Variants in EYS observed in about 807,000 individuals in gnomAD.
The protein encoded by EYS is EGF-like photoreceptor maintenance factor.
In EYS, 250 loss-of-function variants were observed where a neutral mutation model predicts 282.1. That is an observed-to-expected ratio of 0.89 (90% CI 0.80 to 0.98). EYS has a LOEUF of 0.98. Among genes scored for constraint, EYS ranks in the 50% least tolerant of loss-of-function variants. The pLI, the probability that EYS is intolerant of heterozygous loss-of-function variation, is 0.00. For synonymous variants in EYS, 1,355 were observed against 1,282.9 expected, an observed-to-expected ratio of 1.06 and a Z score of -1.20; for missense variants, 4,016 against 3,709.0, an observed-to-expected ratio of 1.08 and a Z score of -2.15.
intron 33 of EYS, among the ~76,000 whole-genome samples, chr6:64,009,542 C>G (rs1480950168): frequency 6.6e-6 from 1 of 152,082 alleles, no homozygotes; most frequent in Non-Finnish European, 1.5e-5. Context: ...CCTCGGCCTC[C>G]GAAAGTGCTG....
intron 5 of EYS, among the ~76,000 whole-genome samples, chr6:65,477,770 ACATTT>A (rs1765464401): frequency 6.6e-6 from 1 of 152,196 alleles, no homozygotes; most frequent in African/African-American, 2.4e-5. Context: ...AGCAAATCAT[ACATTT>A]CATTTTTAAG....
intron 19 of EYS, among the ~76,000 whole-genome samples, chr6:64,824,240 A>T (rs1470526414): frequency 1.3e-5 from 2 of 151,910 alleles, no homozygotes. Context: ...TCACCTACAA[A>T]TCAAGTTATA....
At chr6:63,892,248 C>T (rs946980107) in intron 35 of EYS, among the ~76,000 whole-genome samples, 3 of 152,120 alleles carry the variant, frequency 2.0e-5, no homozygotes, top group Non-Finnish European at 4.4e-5. Flanking sequence ...TCATATGGAA[C>T]CAAAAAAGAG....
chr6:64,517,867 T>A (rs187455135), intron 26 of EYS, among the ~76,000 whole-genome samples: 55 of 152,040 alleles, frequency 3.6e-4, no homozygotes, highest in African/African-American at 1.2e-3. Flanking sequence ...ATTAAATCTT[T>A]GTTTCTTTTT....
intron 13 of EYS, among the ~76,000 whole-genome samples, chr6:65,014,814 C>A (rs534286694): frequency 6.6e-6 from 1 of 152,110 alleles, no homozygotes; most frequent in Non-Finnish European, 1.5e-5. Context: ...TGGAAACCTG[C>A]GAGTGCTATC....
rs1305738376 is a variant in EYS, at chr6:64,813,479, A to C, written c.3342T>G (p.Cys1114Trp). Residue 1114 changes from cysteine (C) to tryptophan (W), a missense_variant, in exon 22 of 43, where the codon TGT (cysteine) becomes TGG (tryptophan). Physicochemically the swap from Cys to Trp is radical, Grantham distance 215. Transcript: ENST00000503581. ...CAGCACAATTATCAATGCTTTTTTC[A>C]CAGTATGCACCAGTGTATCCACGTG... ...ICPRGYTGAY[C>W]EKSIDNCAEP... The C allele has an allele frequency of 6.4e-7, 1 of 1,550,616 alleles. No homozygotes were observed. The highest frequency in any genetic ancestry group is 8.7e-7 in the Non-Finnish European group (1 of 1,146,246).
At chr6:65,035,195 C>T (rs1222308004) in intron 13 of EYS, among the ~76,000 whole-genome samples, 1 of 152,026 alleles carries the variant, frequency 6.6e-6, no homozygotes, top group Admixed American at 6.6e-5. Context: ...ACACACTAGG[C>T]AATGAAGGAA....
At chr6:64,687,679 C>G (rs1770207752) in intron 22 of EYS, among the ~76,000 whole-genome samples, 1 of 152,116 alleles carries the variant, frequency 6.6e-6, no homozygotes, top group Admixed American at 6.5e-5. Flanking sequence ...GTCTAAAATT[C>G]TCTTTTTTTG....
chr6:64,258,766 G>A (rs1047809105), intron 30 of EYS, among the ~76,000 whole-genome samples: 5 of 150,014 alleles, frequency 3.3e-5, no homozygotes, highest in Non-Finnish European at 7.4e-5. Flanking sequence ...TCCTATTTAC[G>A]AGTGTGAGAT....
At chr6:65,571,425 C>T (rs552742297) in intron 2 of EYS, among the ~76,000 whole-genome samples, 34 of 152,072 alleles carry the variant, frequency 2.2e-4, no homozygotes, top group African/African-American at 7.0e-4. Flanking sequence ...CTTTCTGGTA[C>T]AGAGAAGGAT....
At chr6:65,582,331 A>T (rs943619097) in intron 2 of EYS, among the ~76,000 whole-genome samples, 11 of 152,118 alleles carry the variant, frequency 7.2e-5, no homozygotes, top group Non-Finnish European at 2.9e-5. Context: ...TACTTCATGA[A>T]TTTCTGGAGT....
In EYS at chr6:65,299,837, G is replaced by C. The variant is rs1179688563; in HGVS notation, c.1767-3718C>G. ...CATTATTCATTGATGTCATCCTATGGAAGAGAAGTATTTACATTTCTTACA... is the reference window on the plus strand; with the variant it reads ...CATTATTCATTGATGTCATCCTATGCAAGAGAAGTATTTACATTTCTTACA... On this transcript the variant is annotated intron_variant, in intron 11 of 42. Coordinates refer to ENST00000503581, the MANE Select transcript of EYS (RefSeq NM_001142800.2). Among the ~76,000 whole-genome samples the C allele has an allele frequency of 6.6e-5, 10 of 151,952 alleles. No individual in the cohort carries two copies. The East Asian group carries it at 1.9e-3, about 29-fold the overall frequency.
chr6:64,783,058 C>T lies in EYS; in HGVS notation c.3443+30320G>A, dbSNP rs1305571221. On this transcript the variant is annotated intron_variant, in intron 22 of 42. Coordinates refer to ENST00000503581, the MANE Select transcript of EYS (RefSeq NM_001142800.2). ...CTGCCCTGTTTAGTCCTGTCTGGGA[C>T]GTGAATCATCCTTTTGTCCAGTATC... Among the ~76,000 whole-genome samples, 3 of 152,236 alleles carry T rather than the reference C, an allele frequency of 2.0e-5. No homozygotes were observed. In the Middle Eastern group the frequency reaches 0.01, roughly 518 times the overall value.
chr6:64,881,218 G>A (rs879336113), intron 19 of EYS, among the ~76,000 whole-genome samples: 20 of 151,440 alleles, frequency 1.3e-4, no homozygotes, highest in Non-Finnish European at 2.8e-4. Context: ...TCATTTTTTT[G>A]ACATTAAAAA....
chr6:64,773,727 A>G (rs1773594201), intron 22 of EYS, among the ~76,000 whole-genome samples: 1 of 151,842 alleles, frequency 6.6e-6, no homozygotes, highest in African/African-American at 2.4e-5. Context: ...TAATGATTAG[A>G]GATGTTGAGT....
intron 36 of EYS, among the ~76,000 whole-genome samples, chr6:63,839,061 G>T (rs1330913703): frequency 6.6e-6 from 1 of 152,154 alleles, no homozygotes; most frequent in East Asian, 1.9e-4. Flanking sequence ...ATTTCTTTCT[G>T]TTGGGAAGAG....
chr6:64,750,650 A>G (rs1051013683), intron 22 of EYS, among the ~76,000 whole-genome samples: 4 of 152,312 alleles, frequency 2.6e-5, no homozygotes, highest in Middle Eastern at 3.4e-3. Flanking sequence ...GGTTATTTAA[A>G]TTTACATTTT....
intron 31 of EYS, among the ~76,000 whole-genome samples, chr6:64,203,207 A>G (rs530863759): frequency 6.6e-6 from 1 of 152,348 alleles, no homozygotes; most frequent in South Asian, 2.1e-4. Flanking sequence ...GTAGCAATCC[A>G]TGACTGGAAG....
chr6:65,160,195 C>T (rs1764820740), intron 12 of EYS, among the ~76,000 whole-genome samples: 1 of 150,744 alleles, frequency 6.6e-6, no homozygotes, highest in Non-Finnish European at 1.5e-5. Flanking sequence ...ATTTGGAGAG[C>T]TGGGTTTGAG....
Sources: gnomAD v4.1 joint callset for allele counts (sites outside exome capture counted in the v4.1 genomes callset) on GRCh38, gnomAD v4.1.1 for gene constraint, MANE v1.5 for transcripts, NCBI Gene and HGNC (gene_info 2026-07-23, HGNC 2026-07-21) for gene names.